Variants in SYN1 observed in about 807,000 individuals in gnomAD.
SYN1 encodes the protein synapsin I.
SYN1 carries 8 observed loss-of-function variants against 44.6 expected under a neutral mutation model. That is an observed-to-expected ratio of 0.18 (90% confidence interval 0.11 to 0.32). The LOEUF (loss-of-function observed/expected upper bound fraction) is 0.32, where lower values mean the gene tolerates loss of function less well. Ranked by LOEUF, SYN1 falls within the 10% of genes least tolerant of loss-of-function variation. SYN1 has a pLI of 1.00. For missense variants in SYN1, 451 were observed against 639.4 expected (o/e 0.71, Z 3.18); for synonymous variants, 275 against 280.1 (o/e 0.98, Z 0.18).
Position 47,619,417 on chromosome X carries a change from C to A in SYN1, c.312G>T (p.Gly104=). ...TFSEQVGGGS[G]GAGRGGAASR... is the part of the protein sequence containing the mutation. ...AGGCGGCTCCCCCGCGGCCTGCGCC[C>A]CCAGAGCCGCCGCCCACCTGCTCGC... The change falls in exon 1 of 13, where the codon GGG becomes GGT. Residue 104 remains glycine, a synonymous_variant. Coordinates refer to ENST00000295987, the MANE Select transcript of SYN1 (RefSeq NM_006950.3). 8.4e-7 allele frequency: 1 copy of A among 1,190,211 alleles called. No homozygotes were observed.
intron 12 of SYN1, 123 bp downstream of exon 12, chrX:47,573,879 A>G (rs900617678): frequency 6.3e-6 from 4 of 634,784 alleles, no homozygotes; most frequent in Admixed American, 5.3e-5. Flanking sequence ...CAGGCTGGAG[A>G]GAGTTCGTGG....
chrX:47,619,772 GA>G lies in SYN1; in HGVS notation c.-45del. 8.8e-7 allele frequency: 1 copy of G among 1,140,614 alleles called. No homozygotes were observed. The highest frequency in any genetic ancestry group is 1.2e-6 in the Non-Finnish European group (1 of 855,557). The allele number at this position is 1,140,614 out of a possible 1,213,427, so 94.0% of individuals were successfully genotyped here. ...GGGGTCCTAGGGGTGGTCTGGCCAG[GA>G]GCCGCGGGGGCGGACTGCGCGGTGC... is the stretch of plus-strand genomic sequence containing the variant. On this transcript the variant is annotated 5_prime_UTR_variant, in exon 1 of 13. Coordinates refer to ENST00000295987, the MANE Select transcript of SYN1 (RefSeq NM_006950.3).
At chrX:47,589,373 C>G (rs192865338) in intron 5 of SYN1, among the ~76,000 whole-genome samples, 49 of 106,370 alleles carry the variant, frequency 4.6e-4, no homozygotes, top group African/African-American at 1.7e-3. Context: ...GTGGGCAGAT[C>G]ACGAGGTCAG....
intron 12 of SYN1, 80 bp downstream of exon 12, chrX:47,573,922 A>AG: frequency 1.1e-6 from 1 of 932,364 alleles, no homozygotes. Flanking sequence ...CTGAGGAGCA[A>AG]GGGAGCTAGG....
At chrX:47,577,120 C>T (rs1603052088) in intron 6 of SYN1, among the ~76,000 whole-genome samples, 1 of 110,945 alleles carries the variant, frequency 9.0e-6, no homozygotes, top group East Asian at 2.9e-4. Flanking sequence ...GATCACACCA[C>T]ATCATGTGTG....
intron 5 of SYN1, among the ~76,000 whole-genome samples, chrX:47,599,036 T>A (rs1407067849): frequency 1.8e-5 from 2 of 108,710 alleles, no homozygotes; most frequent in Admixed American, 9.9e-5. Context: ...AAAATAAAAA[T>A]TTTTTAAATT....
chrX:47,585,169 T>C, intron 5 of SYN1: 2 of 1,168,794 alleles, frequency 1.7e-6, no homozygotes, highest in South Asian at 4.0e-5. Context: ...GAGGATTATG[T>C]CAGTAAAAGA....
chrX:47,575,201 A>G lies in SYN1; in HGVS notation c.1232T>C (p.Val411Ala), dbSNP rs2057773789. Residue 411 changes from valine (V) to alanine (A), a missense_variant, in exon 10 of 13, where the codon GTC becomes GCC. Coordinates refer to ENST00000295987, the MANE Select transcript of SYN1 (RefSeq NM_006950.3). The stretch of plus-strand genomic sequence containing the variant: ...GGGCAGGGCCTGAGCCATCTTGTTG[A>G]CCACGAGCTCTACGATGAGCTGTTT... ...EDKQLIVELV[V>A]NKMAQALPRQ... The G allele has an allele frequency of 8.3e-7, 1 of 1,200,474 alleles. No homozygotes were observed. The highest frequency in any genetic ancestry group is 1.7e-5 in the African/African-American group (1 of 57,248).
At chrX:47,590,945 T>C (rs2057845799) in intron 5 of SYN1, among the ~76,000 whole-genome samples, 1 of 112,131 alleles carries the variant, frequency 8.9e-6, no homozygotes, top group Admixed American at 9.4e-5. Flanking sequence ...CCAGCTGGAG[T>C]GCAGTGGTGC....
intron 5 of SYN1, among the ~76,000 whole-genome samples, chrX:47,582,774 C>T (rs980486508): frequency 3.2e-5 from 3 of 94,672 alleles, no homozygotes; most frequent in Non-Finnish European, 6.2e-5. Flanking sequence ...CCGAAATTTC[C>T]CTCATCGCCC....
intron 1 of SYN1, among the ~76,000 whole-genome samples, chrX:47,608,258 G>A (rs1287959902): frequency 1.2e-4 from 1 of 8,593 alleles, no homozygotes; most frequent in African/African-American, 3.9e-4. Flanking sequence ...AAGGAAGGAA[G>A]GAAGGAAGGA....
chrX:47,598,384 C>A (rs1352412860), intron 5 of SYN1, among the ~76,000 whole-genome samples: 1 of 106,739 alleles, frequency 9.4e-6, no homozygotes. Context: ...ATTGTAATAC[C>A]CAAGGAAACA....
intron 5 of SYN1, among the ~76,000 whole-genome samples, chrX:47,591,460 C>T (rs1028449176): frequency 2.4e-4 from 27 of 111,258 alleles, no homozygotes; most frequent in Non-Finnish European, 4.7e-4. Context: ...GTGGCTCACA[C>T]CTATAATCCC....
chrX:47,579,699 G>A (rs1018256224), intron 5 of SYN1, among the ~76,000 whole-genome samples: 8 of 111,793 alleles, frequency 7.2e-5, no homozygotes, highest in African/African-American at 9.8e-5. Flanking sequence ...CAGAGTCAGC[G>A]AGGGGCCAAG....
chrX:47,586,292 G>T, intron 5 of SYN1: 1 of 754,330 alleles, frequency 1.3e-6, no homozygotes, highest in Non-Finnish European at 1.6e-6. Flanking sequence ...TGACCCCCAG[G>T]GCCTATTCCC....
At chrX:47,603,209 T>C (rs1208890556) in intron 5 of SYN1, among the ~76,000 whole-genome samples, 11 of 111,542 alleles carry the variant, frequency 9.9e-5, no homozygotes, top group Non-Finnish European at 1.7e-4. Context: ...ATTTATTTAA[T>C]GTTTTGAGAC....
At chrX:47,588,160 T>C (rs1225749203) in intron 5 of SYN1, among the ~76,000 whole-genome samples, 1 of 111,815 alleles carries the variant, frequency 8.9e-6, no homozygotes, top group East Asian at 2.8e-4. Flanking sequence ...GCAGCAACAA[T>C]TTCTACATCA....
intron 5 of SYN1, among the ~76,000 whole-genome samples, chrX:47,597,011 A>G (rs899327434): frequency 4.5e-5 from 5 of 112,344 alleles, no homozygotes; most frequent in Admixed American, 9.5e-5. Flanking sequence ...TAATAAGTAG[A>G]GAGTATCAAT....
At chrX:47,586,770 TAAAG>T (rs1300719686) in intron 5 of SYN1, 4 of 1,103,484 alleles carry the variant, frequency 3.6e-6, no homozygotes, top group Admixed American at 4.8e-5. Flanking sequence ...GACAATGAAA[TAAAG>T]AGTTACCACC....
Sources: gnomAD v4.1 joint callset for allele counts (sites outside exome capture counted in the v4.1 genomes callset) on GRCh38, gnomAD v4.1.1 for gene constraint, MANE v1.5 for transcripts, NCBI Gene and HGNC (gene_info 2026-07-23, HGNC 2026-07-21) for gene names.